The following ASB14 variants were observed in gnomAD, a reference collection of about 807,000 sequenced individuals.
The protein encoded by ASB14 is ankyrin repeat and SOCS box protein 14.
Under a neutral mutation model 55.6 loss-of-function variants are expected in ASB14, and 63 were observed. That is an observed-to-expected ratio of 1.13 (90% CI 0.92 to 1.40). ASB14 has a LOEUF of 1.40. Ranked by LOEUF, ASB14 falls within the 40% of genes most tolerant of loss-of-function variation. ASB14 has a pLI of 0.00. For synonymous variants in ASB14, 256 were observed against 259.9 expected, an observed-to-expected ratio of 0.98 and a Z score of 0.15; for missense variants, 724 against 710.4, an observed-to-expected ratio of 1.02 and a Z score of -0.22.
At position 57,288,147 on chromosome 3, in the gene ASB14, G is replaced by T; in HGVS notation, c.310+8C>A. On this transcript the variant is annotated splice_region_variant and intron_variant, in intron 4 of 10. Transcript: ENST00000487349. ...CAGAAGCATCAAGAAGAATCAAAGG[G>T]AATTTACCGCTTAGGGTTATTTCCA... 1 of 1,536,846 alleles carries T rather than the reference G, an allele frequency of 6.5e-7. No homozygotes were observed. The highest frequency in any genetic ancestry group is 8.7e-7 in the Non-Finnish European group (1 of 1,146,612).
intron 7 of ASB14, among the ~76,000 whole-genome samples, chr3:57,279,994 C>T (rs139917014): frequency 1.3e-5 from 2 of 151,860 alleles, no homozygotes; most frequent in East Asian, 3.9e-4. Context: ...AAATAAATGC[C>T]TGAAGCACCA....
At chr3:57,286,631 C>G (rs1478701790) in intron 5 of ASB14, among the ~76,000 whole-genome samples, 2 of 152,170 alleles carry the variant, frequency 1.3e-5, no homozygotes, top group Non-Finnish European at 2.9e-5. Context: ...CTGCTAATAA[C>G]CATTTATAAT....
chr3:57,279,099 A>G, intron 7 of ASB14, 179 bp from the exon 8 acceptor site: 1 of 622,982 alleles, frequency 1.6e-6, no homozygotes, highest in East Asian at 2.8e-5. Context: ...GTAAAATTGA[A>G]TGGAATTACC....
intron 10 of ASB14, 44 bp downstream of exon 10, chr3:57,276,484 C>G: frequency 7.1e-7 from 1 of 1,407,630 alleles, no homozygotes; most frequent in Non-Finnish European, 9.7e-7. Context: ...AAATATGAAT[C>G]ATACATAAGT....
At chr3:57,292,412 AAT>A (rs2061140929) in intron 1 of ASB14, among the ~76,000 whole-genome samples, 1 of 148,870 alleles carries the variant, frequency 6.7e-6, no homozygotes, top group Non-Finnish European at 1.5e-5. Context: ...CATCCAAAAT[AAT>A]ATCTTTCCTA....
At chr3:57,280,183 A>AAAG (rs2061028421) in intron 7 of ASB14, 119 bp downstream of exon 7, 2 of 688,122 alleles carry the variant, frequency 2.9e-6, no homozygotes, top group Non-Finnish European at 4.3e-6. Context: ...AAAAAAAAAA[A>AAAG]AAAGTATGTT....
chr3:57,268,562 G>T lies in ASB14; in HGVS notation c.*1079C>A, dbSNP rs2060911425. ...ATTCAGCACTATGACTTTCAGATTT[G>T]AATTTCCAAATGAAGGGCTGTTTCT... On this transcript the variant is annotated 3_prime_UTR_variant, in exon 11 of 11. Coordinates refer to ENST00000487349, the MANE Select transcript of ASB14 (RefSeq NM_001142733.3). The T allele has an allele frequency of 1.4e-6, 2 of 1,455,586 alleles. No individual in the cohort carries two copies. The highest frequency in any genetic ancestry group is 1.6e-5 in the South Asian group (1 of 61,082). 90.2% of individuals were successfully genotyped at this position (1,455,586 alleles called of 1,614,324 possible). A position where few individuals can be genotyped will look rare whatever the true frequency, so the allele number is the denominator to read the frequency against.
At chr3:57,290,362 A>T (rs931632473) in intron 2 of ASB14, among the ~76,000 whole-genome samples, 3 of 152,082 alleles carry the variant, frequency 2.0e-5, no homozygotes, top group Admixed American at 6.5e-5. Context: ...TCCTTTTAAC[A>T]CTGCCATCTC....
rs898574356 is a variant in ASB14, at chr3:57,283,196, T to C, written c.713A>G (p.Lys238Arg). The change falls in exon 6 of 11, where the codon AAA (lysine) becomes AGA (arginine). Residue 238 changes from lysine (K) to arginine (R), a missense_variant and splice_region_variant. Coordinates refer to ENST00000487349, the MANE Select transcript of ASB14 (RefSeq NM_001142733.3). Reference protein sequence around the residue: ...HTEIMEMLLRKGANAHGQASD... With the variant: ...HTEIMEMLLRRGANAHGQASD... ...GCTGACCAAACAGAAGATCTTGCCT[T>C]TCCGCAGTAACATTTCCATGATTTC... 2 of 1,552,142 alleles carry C rather than the reference T, an allele frequency of 1.3e-6. No homozygotes were observed. The highest frequency in any genetic ancestry group is 1.7e-6 in the Non-Finnish European group (2 of 1,147,052).
At chr3:57,286,982 C>T (rs1369411272) in intron 5 of ASB14, among the ~76,000 whole-genome samples, 2 of 152,156 alleles carry the variant, frequency 1.3e-5, no homozygotes, top group Non-Finnish European at 2.9e-5. Context: ...AATATCTGCT[C>T]ATATTTTTAA....
intron 5 of ASB14, among the ~76,000 whole-genome samples, chr3:57,284,724 A>C (rs937877615): frequency 6.6e-6 from 1 of 152,190 alleles, no homozygotes; most frequent in Non-Finnish European, 1.5e-5. Flanking sequence ...ATAGACAAGG[A>C]AACAGGTTTA....
At chr3:57,274,376 C>T (rs1397681581) in intron 10 of ASB14, among the ~76,000 whole-genome samples, 2 of 152,160 alleles carry the variant, frequency 1.3e-5, no homozygotes, top group Non-Finnish European at 2.9e-5. Flanking sequence ...TCCTCACTTT[C>T]CACACATAGA....
At chr3:57,275,438 C>G (rs1486827231) in intron 10 of ASB14, among the ~76,000 whole-genome samples, 3 of 115,932 alleles carry the variant, frequency 2.6e-5, no homozygotes, top group African/African-American at 1.1e-4. Flanking sequence ...GGTGACAGGA[C>G]AAGACTCCAT....
intron 10 of ASB14, among the ~76,000 whole-genome samples, chr3:57,273,750 T>C (rs574332961): frequency 1.3e-5 from 2 of 152,224 alleles, no homozygotes; most frequent in African/African-American, 2.4e-5. Context: ...ATTCCTCTAA[T>C]TTACAGGGGC....
rs2061010744 is a variant in ASB14 at position 57,278,648 on chromosome 3, A to T, written c.1160T>A (p.Val387Asp). ...SAGALPNQDP[V>D]NCLQIALRMG... ...CCTGAGGGCTATCTGGAGGCAGTTA[A>T]CCGGGTCTTGATTAGGCAGAGCTCC... The change falls in exon 8 of 11, where the codon GTT becomes GAT. Residue 387 changes from valine (V) to aspartate (D), a missense_variant. By Grantham distance (152) the Val-to-Asp change is radical (BLOSUM62 -3). Coordinates refer to ENST00000487349, the MANE Select transcript of ASB14 (RefSeq NM_001142733.3). The T allele has an allele frequency of 6.2e-7, 1 of 1,614,214 alleles. No individual in the cohort carries two copies. Among genetic ancestry groups the T allele is most frequent in the Non-Finnish European group, 8.5e-7 (1 of 1,180,040 alleles).
In ASB14 at chr3:57,287,941, T is replaced by C. The variant is rs958623135; in HGVS notation, c.429A>G (p.Pro143=). The C allele has an allele frequency of 5.9e-6, 9 of 1,537,296 alleles. No individual in the cohort carries two copies. The highest frequency in any genetic ancestry group is 7.8e-6 in the Non-Finnish European group (9 of 1,146,904). ...ATFLLLNGCN[P]NAKNFEGNSP... ...AATTGCCTTCGAAATTCTTAGCATTTGGATTGCAGCCATTGAGAAGAAGAA... is the reference window on the plus strand; with the variant it reads ...AATTGCCTTCGAAATTCTTAGCATTCGGATTGCAGCCATTGAGAAGAAGAA... The change falls in exon 5 of 11, where the codon CCA becomes CCG. Residue 143 remains proline, a synonymous_variant. Coordinates refer to ENST00000487349, the MANE Select transcript of ASB14 (RefSeq NM_001142733.3).
chr3:57,283,430 C>A lies in ASB14; in HGVS notation c.479G>T (p.Arg160Leu), dbSNP rs527843898. 24 of 1,551,252 alleles carry A rather than the reference C, an allele frequency of 1.5e-5. No homozygotes were observed. The East Asian group carries it at 5.4e-4, about 35-fold the overall frequency. ...GNSPLLAAVL[R>L]DCYDMAALLI... ...CAAGGCAGCCATGTCATAGCAGTCACGCAGCACAGCTGGGAAATGAGAAGT... is the reference window on the plus strand; with the variant it reads ...CAAGGCAGCCATGTCATAGCAGTCAAGCAGCACAGCTGGGAAATGAGAAGT... Residue 160 changes from arginine (R) to leucine (L), a missense_variant, in exon 6 of 11, where the codon CGT (arginine) becomes CTT (leucine). Coordinates refer to ENST00000487349, the MANE Select transcript of ASB14 (RefSeq NM_001142733.3).
At position 57,278,381 on chromosome 3, in the gene ASB14, G is replaced by A; in HGVS notation, c.1427C>T (p.Thr476Ile). The change falls in exon 8 of 11, where the codon ACT (threonine) becomes ATT (isoleucine). Residue 476 changes from threonine to isoleucine, a missense_variant. By Grantham distance (89) the Thr-to-Ile change is moderately conservative (BLOSUM62 -1). Coordinates refer to ENST00000487349, the MANE Select transcript of ASB14 (RefSeq NM_001142733.3). The stretch of plus-strand genomic sequence containing the variant: ...CAGCCAATACTGTGGACTTACCTTA[G>A]TATCTTTGATAACTGTAGATGTCCA... ...EGWTSTVIKDTKFCEVITLSW... is the reference protein window; with the variant it reads ...EGWTSTVIKDIKFCEVITLSW... 6.2e-7 allele frequency: 1 copy of A among 1,612,186 alleles called. No individual in the cohort carries two copies. The highest frequency in any genetic ancestry group is 8.5e-7 in the Non-Finnish European group (1 of 1,178,318).
intron 6 of ASB14, among the ~76,000 whole-genome samples, chr3:57,282,065 C>T (rs1011320550): frequency 1.3e-5 from 2 of 152,162 alleles, no homozygotes; most frequent in East Asian, 1.9e-4. Flanking sequence ...ACTCTTTCCT[C>T]GTAGATGAAA....
Sources: allele counts gnomAD v4.1 joint callset (sites outside exome capture counted in the v4.1 genomes callset), GRCh38; gene constraint gnomAD v4.1.1; transcripts MANE v1.5; gene names NCBI Gene and HGNC (gene_info 2026-07-23, HGNC 2026-07-21).